MEF2B: variants seen among roughly 807,000 people sequenced by gnomAD.
The protein encoded by MEF2B is myocyte enhancer factor 2B.
Under a neutral mutation model 32.2 loss-of-function variants are expected in MEF2B, and 15 were observed. The observed-to-expected ratio is 0.47, with a 90% confidence interval of 0.31 to 0.72. The LOEUF (loss-of-function observed/expected upper bound fraction) is 0.72, where lower values mean the gene tolerates loss of function less well. MEF2B is among the 30% of genes least tolerant of loss of function. The probability of loss-of-function intolerance (pLI) is 0.05; values close to 1 mark genes in which losing one functional copy is unlikely to be tolerated. For synonymous variants in MEF2B, 205 were observed against 225.6 expected (o/e 0.91, Z 0.82); for missense variants, 441 against 511.5 (o/e 0.86, Z 1.33).
chr19:19,147,198 G>A lies in MEF2B; in HGVS notation c.394-15C>T, dbSNP rs755386541. 3.5e-5 allele frequency: 55 copies of A among 1,561,484 alleles called. 3 individuals are homozygous for A. The African/African-American group carries it at 7.2e-4, about 20-fold the overall frequency. On this transcript the variant is annotated splice_polypyrimidine_tract_variant and intron_variant, in intron 4 of 8. Coordinates refer to ENST00000424583, the MANE Select transcript of MEF2B (RefSeq NM_001145785.2). ...GGAGCTGCAGGCTGTGGGTAGAGAA[G>A]GGATGGGTCAGAGGACCCCAGGCCA...
chr19:19,165,052 C>A (rs2060195633), intron 1 of MEF2B, among the ~76,000 whole-genome samples: 2 of 152,166 alleles, frequency 1.3e-5, no homozygotes, highest in Non-Finnish European at 2.9e-5. Flanking sequence ...CCAGCAGGGA[C>A]CCCGAGATGG....
At chr19:19,162,943 C>A (rs1317552804) in intron 1 of MEF2B, among the ~76,000 whole-genome samples, 1 of 152,130 alleles carries the variant, frequency 6.6e-6, no homozygotes, top group East Asian at 1.9e-4. Flanking sequence ...AAGGTGTCAT[C>A]TACCAGCAGA....
chr19:19,161,676 G>A (rs1373363320), intron 1 of MEF2B, among the ~76,000 whole-genome samples: 1 of 150,990 alleles, frequency 6.6e-6, no homozygotes, highest in Non-Finnish European at 1.5e-5. Context: ...ACAATGTGGA[G>A]ACCCCCGCCA....
intron 2 of MEF2B, among the ~76,000 whole-genome samples, 159 bp downstream of exon 2, chr19:19,150,523 C>CAAAA (rs67741867): frequency 1.9e-5 from 2 of 103,390 alleles, no homozygotes; most frequent in African/African-American, 3.7e-5. Context: ...GACTTCATCT[C>CAAAA]AAAAAAAAAA....
intron 3 of MEF2B, 91 bp downstream of exon 3, chr19:19,149,135 A>T: frequency 2.7e-6 from 4 of 1,480,246 alleles, no homozygotes; most frequent in Non-Finnish European, 3.7e-6. Flanking sequence ...AGATGAAGAC[A>T]CTCATCTTTT....
At chr19:19,146,976 C>A in intron 5 of MEF2B, 60 bp downstream of exon 5, 1 of 1,562,254 alleles carries the variant, frequency 6.4e-7, no homozygotes, top group Non-Finnish European at 8.7e-7. Context: ...AATGCCAGAG[C>A]CAAGATGCAC....
intron 7 of MEF2B, 30 bp downstream of exon 7, chr19:19,146,525 A>AG: frequency 6.6e-7 from 1 of 1,505,014 alleles, no homozygotes; most frequent in Non-Finnish European, 8.9e-7. Flanking sequence ...GACGCTTCCC[A>AG]GGTGGGGCAG....
chr19:19,146,809 G>A lies in MEF2B; in HGVS notation c.608C>T (p.Pro203Leu), dbSNP rs778602822. Residue 203 changes from proline to leucine, a missense_variant, in exon 6 of 9, where the codon CCG (proline) becomes CTG (leucine). By Grantham distance (98) the Pro-to-Leu change is moderately conservative. Transcript: ENST00000424583. ...TSKTPPPLYL[P>L]TEGRRSDLPG... ...CAGGTCTGACCTCCGCCCTTCCGTC[G>A]GCAGGTACAGTGGGGGTGGTGTCTT... The A allele has an allele frequency of 2.8e-5, 45 of 1,613,864 alleles. 1 individual carries two copies. Among genetic ancestry groups the A allele is most frequent in the Non-Finnish European group, 3.0e-5 (35 of 1,179,942 alleles).
chr19:19,150,807 G>C, intron 1 of MEF2B, 43 bp from the exon 2 acceptor site: 1 of 1,608,572 alleles, frequency 6.2e-7, no homozygotes, highest in Non-Finnish European at 8.5e-7. Flanking sequence ...TGGGTGGAGA[G>C]TGGGGAGGGG....
intron 1 of MEF2B, among the ~76,000 whole-genome samples, chr19:19,161,412 A>G (rs1442302190): frequency 1.3e-5 from 2 of 152,038 alleles, no homozygotes; most frequent in Admixed American, 1.3e-4. Flanking sequence ...TCCCCCAAAT[A>G]CACAAGTATT....
rs1050853160 is a variant in MEF2B at position 19,168,268 on chromosome 19, CTTTTTTTT to C, written c.-30+1929_-30+1936del. Among the ~76,000 whole-genome samples the C allele has an allele frequency of 9.1e-5, 9 of 99,026 alleles. No individual in the cohort carries two copies. In the East Asian group the frequency reaches 2.1e-3, roughly 23 times the overall value. The allele number at this position is 99,026 out of a possible 152,430, so 65.0% of individuals were successfully genotyped here. A position where few individuals can be genotyped will look rare whatever the true frequency, so the allele number is the denominator to read the frequency against. On this transcript the variant is annotated intron_variant, in intron 1 of 8. Coordinates refer to ENST00000424583, the MANE Select transcript of MEF2B (RefSeq NM_001145785.2). ...TTGATTATTGTTTTGTTTCTTTCTT[CTTTTTTTT>C]TTTTTTTTTTTTTTGAGATGGAGTT...
intron 1 of MEF2B, among the ~76,000 whole-genome samples, chr19:19,161,430 C>T (rs1273889916): frequency 6.6e-6 from 1 of 152,018 alleles, no homozygotes; most frequent in African/African-American, 2.4e-5. Context: ...ATTCCTCCTG[C>T]GAAAGTCCCC....
intron 8 of MEF2B, 117 bp from the exon 9 acceptor site, chr19:19,146,139 C>T (rs1237866312): frequency 3.0e-6 from 3 of 985,402 alleles, no homozygotes; most frequent in East Asian, 3.0e-5. Flanking sequence ...GAGGGGGTGG[C>T]GGTCCCTCTT....
In MEF2B at chr19:19,146,371, TC is replaced by T; in HGVS notation, c.782del (p.Gly261GlufsTer143). ...LPGGPPEYGLGDPPPPPGLLQ... is the reference protein window; with the variant it reads ...LPGGPPEYGLXDPPPPPGLLQ... ...ACAAGCCAGGGGGCGGTGGAGGGTC[TC>T]CCAGGCCATATTCTGGTGGGCAGGA... On this transcript the variant is annotated frameshift_variant, in exon 8 of 9. Transcript: ENST00000424583. LOFTEE classifies it high-confidence loss of function. 9.0e-7 allele frequency: 1 copy of T among 1,115,458 alleles called. No individual in the cohort carries two copies. The highest frequency in any genetic ancestry group is 1.2e-6 in the Non-Finnish European group (1 of 828,100). 69.1% of individuals were successfully genotyped at this position (1,115,458 alleles called of 1,614,324 possible).
At chr19:19,159,005 A>G (rs1053229478) in intron 1 of MEF2B, among the ~76,000 whole-genome samples, 3 of 150,686 alleles carry the variant, frequency 2.0e-5, no homozygotes, top group South Asian at 4.2e-4. Context: ...CAGTGGCGCA[A>G]TCTCAGCTCA....
intron 1 of MEF2B, among the ~76,000 whole-genome samples, chr19:19,164,421 G>A (rs1217308365): frequency 6.6e-6 from 1 of 152,178 alleles, no homozygotes; most frequent in Non-Finnish European, 1.5e-5. Context: ...CAAGGAACTG[G>A]CCCTCTGAAG....
At chr19:19,163,779 G>A (rs969092240) in intron 1 of MEF2B, among the ~76,000 whole-genome samples, 2 of 150,244 alleles carry the variant, frequency 1.3e-5, no homozygotes, top group African/African-American at 4.9e-5. Context: ...TCAGCCTCCC[G>A]AGTAGCTAGG....
chr19:19,152,178 C>G (rs1176779450), intron 1 of MEF2B, among the ~76,000 whole-genome samples: 1 of 151,172 alleles, frequency 6.6e-6, no homozygotes, highest in African/African-American at 2.4e-5. Context: ...TCAGGCTGGT[C>G]TCAAACTCCC....
At chr19:19,150,661 T>C (rs2060072023) in intron 2 of MEF2B, 21 bp downstream of exon 2, 1 of 1,614,126 alleles carries the variant, frequency 6.2e-7, no homozygotes. Flanking sequence ...TCCCAGCCAC[T>C]GTTCCACCCA....
Sources: gnomAD v4.1 joint callset for allele counts (sites outside exome capture counted in the v4.1 genomes callset) on GRCh38, gnomAD v4.1.1 for gene constraint, MANE v1.5 for transcripts, NCBI Gene and HGNC (gene_info 2026-07-23, HGNC 2026-07-21) for gene names.